The following CSNK1G1 variants were observed in gnomAD, a reference collection of about 807,000 sequenced individuals.
CSNK1G1 encodes the protein casein kinase 1 gamma 1, also known as casein kinase I isoform gamma-1.
Under a neutral mutation model 59.6 loss-of-function variants are expected in CSNK1G1, and 22 were observed. The observed-to-expected ratio is 0.37, with a 90% confidence interval of 0.26 to 0.53. The LOEUF (loss-of-function observed/expected upper bound fraction) is 0.53, where lower values mean the gene tolerates loss of function less well. Among genes scored for constraint, CSNK1G1 ranks in the 20% least tolerant of loss-of-function variants. The pLI is 0.89. For synonymous variants in CSNK1G1, 179 were observed against 177.1 expected (o/e 1.01, Z -0.08); for missense variants, 384 against 519.5 (o/e 0.74, Z 2.54).
At chr15:64,223,377 TA>T (rs2082415803) in intron 4 of CSNK1G1, among the ~76,000 whole-genome samples, 1 of 152,208 alleles carries the variant, frequency 6.6e-6, no homozygotes, top group Non-Finnish European at 1.5e-5. Context: ...AAGTGCAACA[TA>T]AGGTACACAT....
intron 2 of CSNK1G1, among the ~76,000 whole-genome samples, chr15:64,286,220 T>A (rs996380315): frequency 1.3e-5 from 2 of 152,104 alleles, no homozygotes; most frequent in Admixed American, 6.5e-5. Context: ...TTCTGCCATT[T>A]GCCAATTCCA....
intron 1 of CSNK1G1, among the ~76,000 whole-genome samples, chr15:64,319,145 C>A (rs574849838): frequency 6.6e-6 from 1 of 152,098 alleles, no homozygotes; most frequent in Non-Finnish European, 1.5e-5. Flanking sequence ...TGAGCTACTG[C>A]GCCTGACCTA....
At chr15:64,254,742 TG>T (rs1892280231) in intron 3 of CSNK1G1, among the ~76,000 whole-genome samples, 1 of 152,252 alleles carries the variant, frequency 6.6e-6, no homozygotes, top group African/African-American at 2.4e-5. Context: ...TTCCTTTCCA[TG>T]GGTTGCCCTT....
chr15:64,166,916 G>T lies in CSNK1G1; in HGVS notation c.*5015C>A, dbSNP rs1362710306. On this transcript the variant is annotated 3_prime_UTR_variant, in exon 12 of 12. Coordinates refer to ENST00000303052, the MANE Select transcript of CSNK1G1 (RefSeq NM_022048.5). This position sits in a 1 kb window ranked among gnomAD's most constrained non-coding sequence, Gnocchi z 4.5. Reference sequence around the variant, plus strand: ...GAGGAGTAAAAGAAGAAAAATAAAAGAAATTCTGTCTACAGAACGGAGGTT... The same window carrying T: ...GAGGAGTAAAAGAAGAAAAATAAAATAAATTCTGTCTACAGAACGGAGGTT... The T allele has an allele frequency of 6.6e-6, 1 of 152,566 alleles. No individual in the cohort carries two copies. The highest frequency in any genetic ancestry group is 6.5e-5 in the Admixed American group (1 of 15,304). 9.5% of individuals were successfully genotyped at this position (152,566 alleles called of 1,614,324 possible). A position where few individuals can be genotyped will look rare whatever the true frequency, so the allele number is the denominator to read the frequency against.
At chr15:64,327,711 C>T (rs1171819697) in intron 1 of CSNK1G1, among the ~76,000 whole-genome samples, 3 of 151,312 alleles carry the variant, frequency 2.0e-5, no homozygotes, top group East Asian at 3.9e-4. Context: ...AGGCTTCAGA[C>T]GATCAAATTA....
intron 6 of CSNK1G1, among the ~76,000 whole-genome samples, chr15:64,209,611 T>C (rs1323699397): frequency 6.6e-6 from 1 of 152,160 alleles, no homozygotes; most frequent in Non-Finnish European, 1.5e-5. Flanking sequence ...GAATCCTTTG[T>C]CTACATGGCT....
chr15:64,318,886 C>T (rs1416688754), intron 1 of CSNK1G1, among the ~76,000 whole-genome samples: 1 of 151,548 alleles, frequency 6.6e-6, no homozygotes, highest in Non-Finnish European at 1.5e-5. Context: ...GCTGGGATTA[C>T]AGGCATGAGC....
At chr15:64,351,164 C>T (rs973837689) in intron 1 of CSNK1G1, among the ~76,000 whole-genome samples, 3 of 152,006 alleles carry the variant, frequency 2.0e-5, no homozygotes, top group Non-Finnish European at 4.4e-5. Flanking sequence ...AAGAAATATG[C>T]TTTAAAATAA....
intron 2 of CSNK1G1, among the ~76,000 whole-genome samples, chr15:64,284,830 T>C (rs1012699136): frequency 2.0e-5 from 3 of 152,088 alleles, no homozygotes; most frequent in East Asian, 1.9e-4. Flanking sequence ...ACACAAGTGA[T>C]ATCATATGAA....
At chr15:64,212,194 GA>G (rs562412920) in intron 6 of CSNK1G1, among the ~76,000 whole-genome samples, 1 of 152,198 alleles carries the variant, frequency 6.6e-6, no homozygotes, top group African/African-American at 2.4e-5. Context: ...GTAAGTACCA[GA>G]GGACCTCTAG....
chr15:64,277,935 T>A (rs1378402366), intron 2 of CSNK1G1, among the ~76,000 whole-genome samples: 1 of 144,766 alleles, frequency 6.9e-6, no homozygotes, highest in Non-Finnish European at 1.5e-5. Flanking sequence ...ATATATTTAA[T>A]AATATATTAA....
intron 1 of CSNK1G1, among the ~76,000 whole-genome samples, chr15:64,319,696 C>T (rs1410408177): frequency 6.6e-6 from 1 of 152,018 alleles, no homozygotes; most frequent in Non-Finnish European, 1.5e-5. Context: ...AGGCGCATGC[C>T]GCCATGCCCG....
At chr15:64,232,450 T>C (rs541106836) in intron 4 of CSNK1G1, among the ~76,000 whole-genome samples, 1 of 152,346 alleles carries the variant, frequency 6.6e-6, no homozygotes, top group Non-Finnish European at 1.5e-5. Flanking sequence ...TGACAGATAC[T>C]GGAAAGGAAC....
intron 1 of CSNK1G1, among the ~76,000 whole-genome samples, chr15:64,353,490 C>T (rs1898436982): frequency 6.6e-6 from 1 of 151,626 alleles, no homozygotes; most frequent in Non-Finnish European, 1.5e-5. Context: ...ACTAAAAATA[C>T]AAAAAAATTA....
chr15:64,232,425 T>C, intron 4 of CSNK1G1, among the ~76,000 whole-genome samples: 1 of 152,220 alleles, frequency 6.6e-6, no homozygotes, highest in Middle Eastern at 3.2e-3. Context: ...GGAAATGTTT[T>C]CTTACCAATG....
chr15:64,339,175 AT>A (rs1156280510), intron 1 of CSNK1G1, among the ~76,000 whole-genome samples: 1 of 152,162 alleles, frequency 6.6e-6, no homozygotes, highest in Non-Finnish European at 1.5e-5. Flanking sequence ...TTCTCAAAGC[AT>A]TGTCCCTAGG....
chr15:64,231,909 T>C (rs1275211688), intron 4 of CSNK1G1, among the ~76,000 whole-genome samples: 1 of 152,218 alleles, frequency 6.6e-6, no homozygotes, highest in Non-Finnish European at 1.5e-5. Context: ...TACATTTTCC[T>C]TCCAATGACA....
intron 10 of CSNK1G1, among the ~76,000 whole-genome samples, chr15:64,202,834 T>C (rs990563534): frequency 1.3e-5 from 2 of 152,170 alleles, no homozygotes; most frequent in South Asian, 2.1e-4. Flanking sequence ...ATTACAGGCA[T>C]GAGCCACTGC....
At chr15:64,265,918 C>A in intron 2 of CSNK1G1, 4 of 417,084 alleles carry the variant, frequency 9.6e-6, no homozygotes, top group Admixed American at 2.9e-5. Context: ...ACTGCATCTG[C>A]AAAAAAAAAT....
Sources: allele counts gnomAD v4.1 joint callset (sites outside exome capture counted in the v4.1 genomes callset), GRCh38; gene constraint gnomAD v4.1.1; non-coding constraint Gnocchi (gnomAD v3.1); transcripts MANE v1.5; gene names NCBI Gene and HGNC (gene_info 2026-07-23, HGNC 2026-07-21).